The following FZD6 variants were observed in gnomAD, a reference collection of about 807,000 sequenced individuals.
FZD6 encodes frizzled-6.
Under a neutral mutation model 61.4 loss-of-function variants are expected in FZD6, and 49 were observed. The observed-to-expected ratio is 0.80, with a 90% CI of 0.63 to 1.01. The LOEUF (loss-of-function observed/expected upper bound fraction) is 1.01. FZD6 is among the 50% of genes least tolerant of loss of function. FZD6 has a pLI of 0.00. For missense variants in FZD6, 724 were observed against 848.2 expected, an observed-to-expected ratio of 0.85 and a Z score of 1.82; for synonymous variants, 265 against 292.2, an observed-to-expected ratio of 0.91 and a Z score of 0.95.
At chr8:103,306,438 A>C (rs887016663) in intron 2 of FZD6, among the ~76,000 whole-genome samples, 2 of 151,856 alleles carry the variant, frequency 1.3e-5, no homozygotes, top group African/African-American at 2.4e-5. Context: ...CTAACTGAAA[A>C]CATTTAAGGG....
At chr8:103,322,253 A>C (rs188301292) in intron 3 of FZD6, among the ~76,000 whole-genome samples, 3 of 152,214 alleles carry the variant, frequency 2.0e-5, no homozygotes, top group Admixed American at 6.5e-5. Context: ...TTGGATATAA[A>C]AATCTCAGCA....
Position 103,325,128 on chromosome 8 carries a change from T to G in FZD6, c.1022T>G (p.Met341Arg), listed in dbSNP as rs191400696. Residue 341 changes from methionine (M) to arginine (R), a missense_variant, in exon 4 of 7, where the codon ATG (methionine) becomes AGG (arginine). Physicochemically the swap from Met to Arg is moderately conservative, Grantham distance 91. Transcript: ENST00000358755. ...GGAACACCAGGTTTCCTGACTGTTA[T>G]GCTTCTTGCTATGAACAAAGTTGAA... ...AWGTPGFLTV[M>R]LLAMNKVEGD... 3.1e-6 allele frequency: 5 copies of G among 1,614,054 alleles called. No individual in the cohort carries two copies. The African/African-American group carries it at 4.0e-5, about 13-fold the overall frequency.
At position 103,318,495 on chromosome 8, in the gene FZD6, T is replaced by C. The variant is rs778892262; in HGVS notation, c.178-95T>C. ...GAGATTTAAAGATTCTTTTGCAGTA[T>C]AAGTGAAAAAGCATATACTTTAAAC... On this transcript the variant is annotated intron_variant, in intron 2 of 6. Coordinates refer to ENST00000358755, the MANE Select transcript of FZD6 (RefSeq NM_003506.4). 75 of 759,504 alleles carry C rather than the reference T, an allele frequency of 9.9e-5. 1 individual carries two copies. Among genetic ancestry groups the C allele is most frequent in the Non-Finnish European group, 3.0e-5 (13 of 430,244 alleles). 47.0% of individuals were successfully genotyped at this position (759,504 alleles called of 1,614,324 possible).
At chr8:103,300,964 GACAGGA>G (rs1243889647) in intron 2 of FZD6, among the ~76,000 whole-genome samples, 1 of 152,126 alleles carries the variant, frequency 6.6e-6, no homozygotes, top group African/African-American at 2.4e-5. Context: ...TACCTGTACA[GACAGGA>G]ACCTGCCTTC....
At chr8:103,317,114 G>T (rs1814643713) in intron 2 of FZD6, among the ~76,000 whole-genome samples, 1 of 152,216 alleles carries the variant, frequency 6.6e-6, no homozygotes, top group Non-Finnish European at 1.5e-5. Flanking sequence ...GCCTCTTTGA[G>T]GTGAATTGAG....
chr8:103,323,297 A>G (rs1814845972), intron 3 of FZD6, among the ~76,000 whole-genome samples: 1 of 151,498 alleles, frequency 6.6e-6, no homozygotes, highest in South Asian at 2.1e-4. Flanking sequence ...TTTAAAAGAT[A>G]TAAAGCAAAA....
chr8:103,325,307 C>G lies in FZD6; in HGVS notation c.1201C>G (p.Gln401Glu). 1 of 1,613,962 alleles carries G rather than the reference C, an allele frequency of 6.2e-7. No homozygotes were observed. Among genetic ancestry groups the G allele is most frequent in the Non-Finnish European group, 8.5e-7 (1 of 1,179,832 alleles). Residue 401 changes from glutamine (Q) to glutamate (E), a missense_variant, in exon 4 of 7, where the codon CAA becomes GAA. Coordinates refer to ENST00000358755, the MANE Select transcript of FZD6 (RefSeq NM_003506.4). ...ISLNHVRQVI[Q>E]HDGRNQEKLK... ...CTTAAATCATGTTCGACAAGTCATACAACATGATGGCCGGAACCAAGAAAA... is the reference window on the plus strand; with the variant it reads ...CTTAAATCATGTTCGACAAGTCATAGAACATGATGGCCGGAACCAAGAAAA...
In FZD6 at chr8:103,300,200, A is replaced by T. The variant is rs568034251; in HGVS notation, c.93A>T (p.Arg31Ser). Residue 31 changes from arginine (R) to serine (S), a missense_variant, in exon 2 of 7, where the codon AGA (arginine) becomes AGT (serine). Arg to Ser is a moderately radical substitution (Grantham distance 110, BLOSUM62 -1). Coordinates refer to ENST00000358755, the MANE Select transcript of FZD6 (RefSeq NM_003506.4). The part of the protein sequence containing the change: ...LFTCEPITVP[R>S]CMKMAYNMTF... ...CCTGTGAACCAATTACTGTTCCCAG[A>T]TGTATGAAAATGGCCTACAACATGA... The T allele has an allele frequency of 1.2e-6, 2 of 1,604,056 alleles. No individual in the cohort carries two copies. Among genetic ancestry groups the T allele is most frequent in the Non-Finnish European group, 1.7e-6 (2 of 1,170,800 alleles).
rs1814907566 is a variant in FZD6 at position 103,325,064 on chromosome 8, A to G, written c.958A>G (p.Ile320Val). ...AAGRKWSCEAIEQKAVWFHAV... is the reference protein window; with the variant it reads ...AAGRKWSCEAVEQKAVWFHAV... Reference sequence around the variant, plus strand: ...AGGAAGAAAATGGAGTTGTGAAGCCATCGAGCAAAAAGCAGTGTGGTTTCA... The same window carrying G: ...AGGAAGAAAATGGAGTTGTGAAGCCGTCGAGCAAAAAGCAGTGTGGTTTCA... Residue 320 changes from isoleucine (I) to valine (V), a missense_variant, in exon 4 of 7, where the codon ATC (isoleucine) becomes GTC (valine). Physicochemically the swap from Ile to Val is conservative, Grantham distance 29. Transcript: ENST00000358755. 1.2e-6 allele frequency: 2 copies of G among 1,614,240 alleles called. No individual in the cohort carries two copies. Among genetic ancestry groups the G allele is most frequent in the African/African-American group, 1.3e-5 (1 of 75,068 alleles).
At chr8:103,307,336 C>T (rs1814366628) in intron 2 of FZD6, among the ~76,000 whole-genome samples, 1 of 152,134 alleles carries the variant, frequency 6.6e-6, no homozygotes, top group Admixed American at 6.5e-5. Flanking sequence ...GGTCCTTTCC[C>T]TGTATATTTC....
intron 3 of FZD6, among the ~76,000 whole-genome samples, chr8:103,319,299 A>C (rs553310985): frequency 6.6e-6 from 1 of 152,328 alleles, no homozygotes; most frequent in South Asian, 2.1e-4. Flanking sequence ...GGAATTCAAA[A>C]GCTAGTATAG....
intron 3 of FZD6, among the ~76,000 whole-genome samples, chr8:103,321,668 T>A (rs973091229): frequency 1.3e-5 from 2 of 152,222 alleles, no homozygotes; most frequent in Non-Finnish European, 2.9e-5. Flanking sequence ...AAGAAAAAGG[T>A]GCATTCATTC....
At chr8:103,308,141 C>G (rs963791942) in intron 2 of FZD6, among the ~76,000 whole-genome samples, 1 of 152,158 alleles carries the variant, frequency 6.6e-6, no homozygotes, top group African/African-American at 2.4e-5. Flanking sequence ...CGTTTTGTTC[C>G]TGAGCCTGTT....
At chr8:103,328,809 C>T (rs1468847551) in intron 5 of FZD6, among the ~76,000 whole-genome samples, 1 of 150,906 alleles carries the variant, frequency 6.6e-6, no homozygotes, top group Admixed American at 6.6e-5. Context: ...AAGATTAAGA[C>T]TTAAGTATAT....
intron 2 of FZD6, among the ~76,000 whole-genome samples, chr8:103,304,113 A>G (rs1427566561): frequency 6.6e-6 from 1 of 152,156 alleles, no homozygotes; most frequent in Non-Finnish European, 1.5e-5. Flanking sequence ...AATTTCCAGG[A>G]TTCACTGTGA....
intron 2 of FZD6, among the ~76,000 whole-genome samples, chr8:103,315,113 A>T (rs1814593517): frequency 6.6e-6 from 1 of 151,728 alleles, no homozygotes; most frequent in Non-Finnish European, 1.5e-5. Context: ...CTTTTCTTTC[A>T]TTTCAATGGC....
intron 6 of FZD6, 99 bp downstream of exon 6, chr8:103,330,164 T>C: frequency 9.1e-7 from 1 of 1,102,402 alleles, no homozygotes; most frequent in Non-Finnish European, 1.4e-6. Flanking sequence ...TTGTGATATA[T>C]TATGTCTGTA....
chr8:103,321,076 T>C (rs1814773751), intron 3 of FZD6, among the ~76,000 whole-genome samples: 1 of 152,146 alleles, frequency 6.6e-6, no homozygotes, highest in Non-Finnish European at 1.5e-5. Flanking sequence ...CATTATGAGA[T>C]TGCCTACTCA....
chr8:103,309,412 A>C lies in FZD6; in HGVS notation c.177+9128A>C, dbSNP rs2130284688. 2.6e-5 allele frequency among the ~76,000 whole-genome samples: 4 copies of C among 152,310 alleles called. No individual in the cohort carries two copies. The Middle Eastern group carries it at 0.01, about 389-fold the overall frequency. On this transcript the variant is annotated intron_variant, in intron 2 of 6. Coordinates refer to ENST00000358755, the MANE Select transcript of FZD6 (RefSeq NM_003506.4). ...CCACATCTGGAGAATCACCTTAGCC[A>C]ATTGAGTTGAGGTTGCTTAAGACAA...
Sources: gnomAD v4.1 joint callset for allele counts (sites outside exome capture counted in the v4.1 genomes callset) on GRCh38, gnomAD v4.1.1 for gene constraint, MANE v1.5 for transcripts, NCBI Gene and HGNC (gene_info 2026-07-23, HGNC 2026-07-21) for gene names.